ALS2: variants seen among roughly 807,000 people sequenced by gnomAD.
ALS2 encodes the protein alsin.
ALS2 carries 117 observed loss-of-function variants against 203.4 expected under a neutral mutation model. The observed-to-expected ratio is 0.58, with a 90% confidence interval of 0.50 to 0.67. ALS2 has a LOEUF of 0.67. ALS2 is among the 30% of genes least tolerant of loss of function. The pLI is 0.00. For synonymous variants in ALS2, 718 were observed against 725.9 expected, an observed-to-expected ratio of 0.99 and a Z score of 0.17; for missense variants, 1,715 against 1,989.4, an observed-to-expected ratio of 0.86 and a Z score of 2.62.
intron 16 of ALS2, 26 bp downstream of exon 16, chr2:201,727,679 G>C (rs917604484): frequency 6.5e-7 from 1 of 1,543,898 alleles, no homozygotes; most frequent in African/African-American, 1.4e-5. Context: ...TGGACGGGGT[G>C]GGGTGGGGAG....
In ALS2 at chr2:201,729,119, A is replaced by G; in HGVS notation, c.2645T>C (p.Leu882Pro). 6.2e-7 allele frequency: 1 copy of G among 1,614,048 alleles called. No individual in the cohort carries two copies. Among genetic ancestry groups the G allele is most frequent in the Non-Finnish European group, 8.5e-7 (1 of 1,180,002 alleles). The change falls in exon 14 of 34, where the codon CTC becomes CCC. Residue 882 changes from leucine (L) to proline (P), a missense_variant. Leu to Pro is a moderately conservative substitution (Grantham distance 98). Around this residue, in one of 3 missense-constraint regions of ALS2, gnomAD observed 1,227 missense variants for 1,413.5 expected, o/e 0.87. Coordinates refer to ENST00000264276, the MANE Select transcript of ALS2 (RefSeq NM_020919.4). ...TTCTGCTTCCTTCCTTTTCCTGCCGAGATGGAGAGCAAGACACTCATAACA... is the reference window on the plus strand; with the variant it reads ...TTCTGCTTCCTTCCTTTTCCTGCCGGGATGGAGAGCAAGACACTCATAACA... ...SSCYECLALH[L>P]GRKRKEAEYT...
intron 13 of ALS2, 66 bp downstream of exon 13, chr2:201,733,210 A>G (rs957679069): frequency 2.9e-5 from 44 of 1,526,762 alleles, no homozygotes; most frequent in Non-Finnish European, 3.7e-5. Context: ...GTGGTGGCAT[A>G]ATCCATACAA....
chr2:201,749,611 C>G, intron 8 of ALS2, 101 bp downstream of exon 8: 1 of 1,119,972 alleles, frequency 8.9e-7, no homozygotes, highest in African/African-American at 1.5e-5. Flanking sequence ...TTAGGTTGTA[C>G]GTATGAAATT....
chr2:201,736,847 C>G, intron 12 of ALS2, among the ~76,000 whole-genome samples: 1 of 151,924 alleles, frequency 6.6e-6, no homozygotes, highest in East Asian at 1.9e-4. Flanking sequence ...GAACAATTTT[C>G]CAGAGAAATA....
Position 201,723,351 on chromosome 2 carries a change from G to A in ALS2, c.3603C>T (p.Asn1201=), listed in dbSNP as rs41309050. ...VTQFGLYYEG[N]FHLNKMMGNG... is the part of the protein sequence containing the mutation. Reference sequence around the variant, plus strand: ...TCACCATCATTTTATTAAGGTGAAAGTTGCCCTCGTAGTATAATCCAAACT... The same window carrying A: ...TCACCATCATTTTATTAAGGTGAAAATTGCCCTCGTAGTATAATCCAAACT... The change falls in exon 22 of 34, where the codon AAC becomes AAT. Residue 1201 remains asparagine, a synonymous_variant. Coordinates refer to ENST00000264276, the MANE Select transcript of ALS2 (RefSeq NM_020919.4). The A allele has an allele frequency of 6.2e-6, 10 of 1,612,606 alleles. No homozygotes were observed. The East Asian group carries it at 2.2e-4, about 36-fold the overall frequency.
At chr2:201,714,389 G>A (rs1274978533) in intron 25 of ALS2, among the ~76,000 whole-genome samples, 1 of 152,208 alleles carries the variant, frequency 6.6e-6, no homozygotes, top group Admixed American at 6.5e-5. Context: ...GCAGAAACAT[G>A]AGACACGTGT....
intron 23 of ALS2, 27 bp downstream of exon 23, chr2:201,723,016 G>T (rs1690908257): frequency 6.7e-7 from 1 of 1,499,166 alleles, no homozygotes; most frequent in Non-Finnish European, 9.1e-7. Context: ...TTATTAGGGA[G>T]AAAAAAAAAG....
At chr2:201,764,460 T>A (rs1209754551) in intron 3 of ALS2, among the ~76,000 whole-genome samples, 4 of 149,028 alleles carry the variant, frequency 2.7e-5, no homozygotes, top group Non-Finnish European at 5.9e-5. Context: ...TGAAACCCTG[T>A]CTCTACTAAA....
intron 16 of ALS2, 85 bp from the exon 17 acceptor site, chr2:201,727,363 T>TTATTTCAAGAGGAA (rs1691251444): frequency 1.7e-6 from 2 of 1,155,278 alleles, no homozygotes; most frequent in African/African-American, 3.0e-5. Context: ...AGCAACCTCT[T>TTATTTCAAGAGGAA]TATTTCAAGA....
At chr2:201,762,291 T>G (rs1431436785) in intron 3 of ALS2, among the ~76,000 whole-genome samples, 1 of 152,246 alleles carries the variant, frequency 6.6e-6, no homozygotes, top group Non-Finnish European at 1.5e-5. Flanking sequence ...CTTAAAAATA[T>G]TAGCGATTCA....
intron 14 of ALS2, 78 bp from the exon 15 acceptor site, chr2:201,728,718 C>A: frequency 6.5e-7 from 1 of 1,533,554 alleles, no homozygotes; most frequent in South Asian, 1.2e-5. Flanking sequence ...AAAACAGACA[C>A]AAATCACATT....
In ALS2 at chr2:201,718,212, T is replaced by C. The variant is rs1690532210; in HGVS notation, c.3703-2A>G. 4 of 1,611,538 alleles carry C rather than the reference T, an allele frequency of 2.5e-6. No homozygotes were observed. The highest frequency in any genetic ancestry group is 2.2e-5 in the East Asian group (1 of 44,812). On this transcript the variant is annotated splice_acceptor_variant, in intron 23 of 33. Coordinates refer to ENST00000264276, the MANE Select transcript of ALS2 (RefSeq NM_020919.4). LOFTEE classifies it high-confidence loss of function. ...TCCATTTGGCATAGTCAGTGTTCCCTAGGTAAAGTCAGAGAATAAAATGTG... is the reference window on the plus strand; with the variant it reads ...TCCATTTGGCATAGTCAGTGTTCCCCAGGTAAAGTCAGAGAATAAAATGTG...
chr2:201,760,882 T>C lies in ALS2; in HGVS notation c.1112A>G (p.Gln371Arg). ...SEHGEKPVPS[Q>R]PLLEEAIPNL... The stretch of plus-strand genomic sequence containing the variant: ...TATTTTATAAAATTGAGCAGGTACC[T>C]GAGATGGCACTGGCTTTTCACCATG... The change falls in exon 4 of 34, where the codon CAG (glutamine) becomes CGG (arginine). Residue 371 changes from glutamine (Q) to arginine (R), a missense_variant and splice_region_variant. Transcript: ENST00000264276. 1 of 1,611,714 alleles carries C rather than the reference T, an allele frequency of 6.2e-7. No individual in the cohort carries two copies. Among genetic ancestry groups the C allele is most frequent in the Non-Finnish European group, 8.5e-7 (1 of 1,178,094 alleles).
chr2:201,747,546 G>A (rs1692747204), intron 8 of ALS2, among the ~76,000 whole-genome samples: 1 of 151,458 alleles, frequency 6.6e-6, no homozygotes, highest in Non-Finnish European at 1.5e-5. Flanking sequence ...CACCTCCCGG[G>A]TTCATGCCAT....
At chr2:201,776,010 G>A (rs1694642977) in intron 1 of ALS2, among the ~76,000 whole-genome samples, 1 of 152,140 alleles carries the variant, frequency 6.6e-6, no homozygotes, top group African/African-American at 2.4e-5. Flanking sequence ...TACAGCCCCT[G>A]ATTTTCAGTT....
Position 201,761,492 on chromosome 2 carries a change from T to G in ALS2, c.502A>C (p.Ser168Arg). 1 of 1,611,860 alleles carries G rather than the reference T, an allele frequency of 6.2e-7. No individual in the cohort carries two copies. The highest frequency in any genetic ancestry group is 8.5e-7 in the Non-Finnish European group (1 of 1,177,996). The change falls in exon 4 of 34, where the codon AGC becomes CGC. Residue 168 changes from serine to arginine, a missense_variant. Ser to Arg is a moderately radical substitution (Grantham distance 110). This residue lies in a region of ALS2 where 476 missense variants were observed against 539.3 expected (regional missense o/e 0.88). Transcript: ENST00000264276. ...GEEHTLALSISREIWAWGTGC... is the reference protein window; with the variant it reads ...GEEHTLALSIRREIWAWGTGC... ...GTACCCCATGCCCAAATCTCTCTGC[T>G]TATTGACAATGCCAGAGTGTGCTCC...
chr2:201,758,760 A>ATGTGTGTGTGTGTGTGCGCATG (rs1553514687), intron 4 of ALS2, among the ~76,000 whole-genome samples: 1 of 150,628 alleles, frequency 6.6e-6, no homozygotes, highest in African/African-American at 2.5e-5. Context: ...GTGTGTGCGC[A>ATGTGTGTGTGTGTGTGCGCATG]TGTGTGTGTG....
intron 1 of ALS2, among the ~76,000 whole-genome samples, chr2:201,769,213 T>C (rs908198727): frequency 4.6e-5 from 7 of 152,180 alleles, no homozygotes; most frequent in Non-Finnish European, 8.8e-5. Flanking sequence ...TTCCAGGCAA[T>C]AGATTTTGTT....
At chr2:201,759,331 C>A in intron 4 of ALS2, 5 of 887,128 alleles carry the variant, frequency 5.6e-6, no homozygotes, top group Non-Finnish European at 6.8e-6. Context: ...GTGAGAGAGT[C>A]TCAGTTATAT....
Sources: allele counts gnomAD v4.1 joint callset (sites outside exome capture counted in the v4.1 genomes callset), GRCh38; gene constraint gnomAD v4.1.1; regional missense constraint gnomAD v4.1.1; transcripts MANE v1.5; gene names NCBI Gene and HGNC (gene_info 2026-07-23, HGNC 2026-07-21).